COG3: variants seen among roughly 807,000 people sequenced by gnomAD.
COG3 encodes the protein component of oligomeric golgi complex 3, also known as conserved oligomeric Golgi complex subunit 3.
Under a neutral mutation model 114.1 loss-of-function variants are expected in COG3, and 32 were observed. The observed-to-expected ratio is 0.28, with a 90% CI of 0.21 to 0.38. COG3 has a LOEUF of 0.38. Ranked by LOEUF, COG3 falls within the 10% of genes least tolerant of loss-of-function variation. The pLI, the probability that COG3 is intolerant of heterozygous loss-of-function variation, is 1.00. For synonymous variants in COG3, 352 were observed against 365.7 expected, an observed-to-expected ratio of 0.96 and a Z score of 0.43; for missense variants, 813 against 973.2, an observed-to-expected ratio of 0.84 and a Z score of 2.19.
intron 17 of COG3, among the ~76,000 whole-genome samples, chr13:45,518,190 A>G (rs74070440): frequency 0.03 from 4,632 of 152,316 alleles, 215 homozygotes; most frequent in African/African-American, 0.1. Context: ...TTACTCACTT[A>G]ATAATACTTG....
chr13:45,481,708 G>A (rs1225862123), intron 5 of COG3, among the ~76,000 whole-genome samples: 1 of 152,110 alleles, frequency 6.6e-6, no homozygotes, highest in East Asian at 1.9e-4. Context: ...ATGTATAGTT[G>A]CATCCCAATA....
At chr13:45,467,805 A>C (rs1437975948) in intron 1 of COG3, among the ~76,000 whole-genome samples, 2 of 152,212 alleles carry the variant, frequency 1.3e-5, no homozygotes, top group Non-Finnish European at 2.9e-5. Context: ...CATTTTGTCC[A>C]ATCAGTATAA....
Position 45,525,634 on chromosome 13 carries a change from G to GT in COG3, c.2230+601dup, listed in dbSNP as rs59577529. The stretch of plus-strand genomic sequence containing the variant: ...ATTTTTTTGTGCTGGAGGGCTTTGG[G>GT]TTTTTTTTTTTTTTTTTTGGTCTTT... On this transcript the variant is annotated intron_variant, in intron 20 of 22. Coordinates refer to ENST00000349995, the MANE Select transcript of COG3 (RefSeq NM_031431.4). Among the ~76,000 whole-genome samples, 633 of 56,686 alleles carry GT rather than the reference G, an allele frequency of 0.011. 79 individuals are homozygous for GT. In the East Asian group the frequency reaches 0.29, roughly 26 times the overall value. 37.2% of individuals were successfully genotyped at this position (56,686 alleles called of 152,430 possible).
At chr13:45,493,754 G>T (rs1449980711) in intron 12 of COG3, 1 of 227,480 alleles carries the variant, frequency 4.4e-6, no homozygotes, top group East Asian at 9.2e-5. Context: ...AATCCAGATA[G>T]AACACATCGT....
At chr13:45,507,245 A>G (rs539275095) in intron 14 of COG3, among the ~76,000 whole-genome samples, 2 of 152,336 alleles carry the variant, frequency 1.3e-5, no homozygotes, top group African/African-American at 4.8e-5. Context: ...CACATACCAT[A>G]TTCCTAAGGA....
intron 19 of COG3, among the ~76,000 whole-genome samples, chr13:45,520,994 A>G (rs1872070150): frequency 6.6e-6 from 1 of 152,206 alleles, no homozygotes; most frequent in Non-Finnish European, 1.5e-5. Context: ...GAAATCCAGG[A>G]TTAAAGGTTG....
At chr13:45,492,087 A>G in intron 10 of COG3, 72 bp from the exon 11 acceptor site, 1 of 893,316 alleles carries the variant, frequency 1.1e-6, no homozygotes, top group East Asian at 2.6e-5. Context: ...CATAAAGTGT[A>G]GGCTTTATTT....
At chr13:45,519,871 G>T (rs575355365) in intron 19 of COG3, among the ~76,000 whole-genome samples, 1 of 152,090 alleles carries the variant, frequency 6.6e-6, no homozygotes, top group Non-Finnish European at 1.5e-5. Context: ...CCATTAACTG[G>T]CAAATGCCAG....
chr13:45,502,666 T>C, intron 13 of COG3, among the ~76,000 whole-genome samples: 1 of 152,148 alleles, frequency 6.6e-6, no homozygotes, highest in Non-Finnish European at 1.5e-5. Flanking sequence ...GTACAGGTGA[T>C]TTTTGGTTAC....
At chr13:45,516,358 T>G (rs1871539759) in intron 17 of COG3, 95 bp downstream of exon 17, 2 of 1,097,262 alleles carry the variant, frequency 1.8e-6, no homozygotes, top group Non-Finnish European at 2.5e-6. Flanking sequence ...CATCTGCAAT[T>G]TTTTGCATGC....
chr13:45,513,502 T>C (rs999800398), intron 16 of COG3, among the ~76,000 whole-genome samples: 2 of 3,708 alleles, frequency 5.4e-4, no homozygotes, highest in Non-Finnish European at 9.3e-4. Context: ...ATATAAATTA[T>C]ATATATAATA....
intron 11 of COG3, among the ~76,000 whole-genome samples, chr13:45,492,651 A>G (rs1171298552): frequency 6.6e-6 from 1 of 152,146 alleles, no homozygotes; most frequent in African/African-American, 2.4e-5. Context: ...TTTTTCTCAA[A>G]ATGTCTTTCA....
intron 15 of COG3, 149 bp from the exon 16 acceptor site, chr13:45,511,616 A>C: frequency 1.6e-6 from 1 of 609,504 alleles, no homozygotes; most frequent in Non-Finnish European, 2.9e-6. Context: ...TTGCATGGGA[A>C]TAGGAAACCA....
At position 45,483,358 on chromosome 13, in the gene COG3, G is replaced by T. The variant is rs1886371152; in HGVS notation, c.843+3G>T. On this transcript the variant is annotated splice_donor_region_variant and intron_variant, in intron 7 of 22. Coordinates refer to ENST00000349995, the MANE Select transcript of COG3 (RefSeq NM_031431.4). ...TCACAAGTCAGTTACTGAAAAGGGTGAGTTAACTGATCTCAACAACAGGTT... is the reference window on the plus strand; with the variant it reads ...TCACAAGTCAGTTACTGAAAAGGGTTAGTTAACTGATCTCAACAACAGGTT... The T allele has an allele frequency of 1.3e-6, 2 of 1,567,208 alleles. No homozygotes were observed. Among genetic ancestry groups the T allele is most frequent in the Non-Finnish European group, 1.7e-6 (2 of 1,158,878 alleles).
chr13:45,531,604 T>G (rs541289958), intron 22 of COG3, among the ~76,000 whole-genome samples: 5 of 151,950 alleles, frequency 3.3e-5, no homozygotes, highest in Admixed American at 3.3e-4. Flanking sequence ...GCCTCCCAGG[T>G]TCATGCAATT....
intron 8 of COG3, among the ~76,000 whole-genome samples, chr13:45,489,186 CAAAAA>C (rs71074703): frequency 1.3e-3 from 41 of 30,408 alleles, no homozygotes; most frequent in Non-Finnish European, 1.7e-3. Flanking sequence ...GACTCTGTTT[CAAAAA>C]AAAAAAAAAA....
chr13:45,499,422 C>T (rs1167681032), intron 13 of COG3, among the ~76,000 whole-genome samples: 1 of 152,172 alleles, frequency 6.6e-6, no homozygotes, highest in African/African-American at 2.4e-5. Flanking sequence ...AAATATAGAT[C>T]TGCAGATTTC....
chr13:45,500,150 C>T lies in COG3; in HGVS notation c.1489-3094C>T, dbSNP rs1335669146. On this transcript the variant is annotated intron_variant, in intron 13 of 22. Coordinates refer to ENST00000349995, the MANE Select transcript of COG3 (RefSeq NM_031431.4). ...GCCTGATTATTTTATTTGAAAAATT[C>T]CAAAGGCAGTTTTGGTGCTGGTGAA... 2.1e-5 allele frequency among the ~76,000 whole-genome samples: 3 copies of T among 145,378 alleles called. No homozygotes were observed. In the Admixed American group the frequency reaches 2.1e-4, roughly 10 times the overall value.
intron 14 of COG3, among the ~76,000 whole-genome samples, chr13:45,506,916 C>T (rs1316317119): frequency 2.6e-5 from 4 of 152,150 alleles, no homozygotes; most frequent in African/African-American, 7.2e-5. Context: ...GTTATCAGTA[C>T]CTTCAAAAAG....
Sources: gnomAD v4.1 joint callset for allele counts (sites outside exome capture counted in the v4.1 genomes callset) on GRCh38, gnomAD v4.1.1 for gene constraint, MANE v1.5 for transcripts, NCBI Gene and HGNC (gene_info 2026-07-23, HGNC 2026-07-21) for gene names.